The following NOL4 variants were observed in gnomAD, a reference collection of about 807,000 sequenced individuals.
The protein encoded by NOL4 is cancer/testis antigen 125.
NOL4 carries 17 observed loss-of-function variants against 75.9 expected under a neutral mutation model. The observed-to-expected ratio is 0.22, with a 90% confidence interval of 0.15 to 0.34. NOL4 has a LOEUF of 0.34. Ranked by LOEUF, NOL4 falls within the 10% of genes least tolerant of loss-of-function variation. The pLI, the probability that NOL4 is intolerant of heterozygous loss-of-function variation, is 1.00. For synonymous variants in NOL4, 292 were observed against 289.9 expected, an observed-to-expected ratio of 1.01 and a Z score of -0.07; for missense variants, 614 against 793.5, an observed-to-expected ratio of 0.77 and a Z score of 2.72.
chr18:34,069,718 T>C (rs1463943392), intron 5 of NOL4, among the ~76,000 whole-genome samples: 1 of 152,096 alleles, frequency 6.6e-6, no homozygotes, highest in Non-Finnish European at 1.5e-5. Context: ...ACCAACCCAT[T>C]ATCCACAGTA....
chr18:33,982,312 A>G (rs1476733884), intron 6 of NOL4, among the ~76,000 whole-genome samples: 1 of 152,136 alleles, frequency 6.6e-6, no homozygotes, highest in Non-Finnish European at 1.5e-5. Flanking sequence ...GCTGTCCACA[A>G]GAAGCCCAAT....
At chr18:34,111,344 T>C (rs1600629340) in intron 2 of NOL4, among the ~76,000 whole-genome samples, 1 of 152,188 alleles carries the variant, frequency 6.6e-6, no homozygotes, top group Non-Finnish European at 1.5e-5. Flanking sequence ...GTTTTGAATG[T>C]CCGTGTCTTC....
intron 2 of NOL4, among the ~76,000 whole-genome samples, chr18:34,111,360 C>T (rs551292521): frequency 1.3e-5 from 2 of 152,036 alleles, no homozygotes; most frequent in Non-Finnish European, 2.9e-5. Flanking sequence ...TCTTCTTAAA[C>T]TTTTTCTTTG....
At chr18:34,090,874 A>T (rs780617239) in intron 5 of NOL4, among the ~76,000 whole-genome samples, 2 of 152,112 alleles carry the variant, frequency 1.3e-5, no homozygotes, top group Non-Finnish European at 2.9e-5. Context: ...AGTCTTTTGC[A>T]GGGGTGGTGC....
rs548197624 is a variant in NOL4, at chr18:33,896,245, C to G, written c.1543-12821G>C. On this transcript the variant is annotated intron_variant, in intron 9 of 10. Transcript: ENST00000261592. ...TACTGCCCAAAGCAATTTACAGATT[C>G]AATGCTATTCCTATCTAATTACCAA... is the stretch of plus-strand genomic sequence containing the variant. Among the ~76,000 whole-genome samples the G allele has an allele frequency of 8.5e-5, 13 of 152,130 alleles. No individual in the cohort carries two copies. The East Asian group carries it at 2.5e-3, about 29-fold the overall frequency.
At chr18:34,129,221 G>A (rs568985829) in intron 2 of NOL4, among the ~76,000 whole-genome samples, 188 of 151,762 alleles carry the variant, frequency 1.2e-3, no homozygotes, top group African/African-American at 2.9e-3. Flanking sequence ...TATATATTTC[G>A]ATATCTAGCA....
intron 9 of NOL4, among the ~76,000 whole-genome samples, chr18:33,916,306 A>C (rs2066716426): frequency 6.6e-6 from 1 of 152,078 alleles, no homozygotes; most frequent in South Asian, 2.1e-4. Context: ...TGTGTATAGG[A>C]AGCACTTAAT....
At chr18:33,992,468 T>C (rs553109539) in intron 6 of NOL4, among the ~76,000 whole-genome samples, 2 of 151,928 alleles carry the variant, frequency 1.3e-5, no homozygotes, top group African/African-American at 4.8e-5. Context: ...CCTAAGGACA[T>C]ACAGTAAATG....
chr18:34,179,100 AG>A (rs1252042957), intron 1 of NOL4, among the ~76,000 whole-genome samples: 1 of 151,696 alleles, frequency 6.6e-6, no homozygotes, highest in Non-Finnish European at 1.5e-5. Context: ...AATGAGTCAA[AG>A]AAGAAGTCAT....
intron 5 of NOL4, among the ~76,000 whole-genome samples, chr18:34,064,741 A>G (rs2077198090): frequency 6.6e-6 from 1 of 151,928 alleles, no homozygotes; most frequent in South Asian, 2.1e-4. Flanking sequence ...ATCATTACAC[A>G]AAGTTCTGTG....
At position 33,900,609 on chromosome 18, in the gene NOL4, C is replaced by T. The variant is rs11873131; in HGVS notation, c.1543-17185G>A. On this transcript the variant is annotated intron_variant, in intron 9 of 10. Transcript: ENST00000261592. ...GTAAACATTGAAAATTCATTTGAAA[C>T]GGAAGGAAAAAAAGATAAAACAGGT... Among the ~76,000 whole-genome samples, 331 of 151,900 alleles carry T rather than the reference C, an allele frequency of 2.2e-3. 1 individual carries two copies. Among genetic ancestry groups the T allele is most frequent in the African/African-American group, 6.3e-3 (262 of 41,424 alleles).
chr18:34,008,134 A>G (rs1483065510), intron 6 of NOL4, among the ~76,000 whole-genome samples: 1 of 151,952 alleles, frequency 6.6e-6, no homozygotes, highest in Non-Finnish European at 1.5e-5. Context: ...TCCATTTTTG[A>G]GCTGCAACAT....
intron 9 of NOL4, among the ~76,000 whole-genome samples, chr18:33,910,701 T>C (rs1405209964): frequency 1.3e-5 from 2 of 152,164 alleles, no homozygotes; most frequent in East Asian, 3.8e-4. Context: ...TTGAGCCAAC[T>C]GGTGAGCAAT....
intron 6 of NOL4, among the ~76,000 whole-genome samples, chr18:33,997,665 A>T (rs983558927): frequency 1.8e-4 from 27 of 148,438 alleles, no homozygotes; most frequent in African/African-American, 6.3e-4. Flanking sequence ...ACTTTACATA[A>T]ATATATACAC....
chr18:33,864,325 TTTCTAAC>T (rs1469199246), intron 10 of NOL4, among the ~76,000 whole-genome samples: 1 of 152,152 alleles, frequency 6.6e-6, no homozygotes, highest in African/African-American at 2.4e-5. Flanking sequence ...ACTGCAAAAT[TTTCTAAC>T]TTTTATGCCC....
intron 5 of NOL4, among the ~76,000 whole-genome samples, chr18:34,066,902 T>C (rs1358747146): frequency 6.6e-6 from 1 of 152,104 alleles, no homozygotes; most frequent in Admixed American, 6.5e-5. Context: ...TCGTTGGTAA[T>C]ACAACTCAAT....
At chr18:33,930,089 G>A (rs944072338) in intron 9 of NOL4, among the ~76,000 whole-genome samples, 3 of 151,970 alleles carry the variant, frequency 2.0e-5, no homozygotes, top group African/African-American at 7.2e-5. Context: ...TTTTAACCAT[G>A]TTACTAAATA....
At chr18:33,881,193 T>G (rs1418661412) in intron 10 of NOL4, among the ~76,000 whole-genome samples, 1 of 150,852 alleles carries the variant, frequency 6.6e-6, no homozygotes, top group Non-Finnish European at 1.5e-5. Flanking sequence ...TAAGAATGCT[T>G]GTGATTTTTG....
At chr18:34,062,006 C>G (rs1250043645) in intron 5 of NOL4, among the ~76,000 whole-genome samples, 5 of 151,742 alleles carry the variant, frequency 3.3e-5, no homozygotes, top group Non-Finnish European at 7.4e-5. Context: ...AGACGTTAAG[C>G]CTACCAAGAT....
Sources: allele counts gnomAD v4.1 joint callset (sites outside exome capture counted in the v4.1 genomes callset), GRCh38; gene constraint gnomAD v4.1.1; transcripts MANE v1.5; gene names NCBI Gene and HGNC (gene_info 2026-07-23, HGNC 2026-07-21).